Variants in CUL1 observed in about 807,000 individuals in gnomAD.
The protein encoded by CUL1 is cullin-1.
A neutral mutation model predicts 118.0 loss-of-function variants in CUL1; 24 were observed. That is an observed-to-expected ratio of 0.20 (90% CI 0.15 to 0.29). The LOEUF is 0.29. CUL1 is among the 10% of genes least tolerant of loss of function. CUL1 has a pLI of 1.00. For missense variants in CUL1, 361 were observed against 933.8 expected (o/e 0.39, Z 7.99); for synonymous variants, 332 against 340.4 (o/e 0.98, Z 0.27).
chr7:148,738,818 C>T (rs1799045671), intron 2 of CUL1, among the ~76,000 whole-genome samples: 1 of 151,890 alleles, frequency 6.6e-6, no homozygotes, highest in African/African-American at 2.4e-5. Context: ...TTTTTTTTCC[C>T]TTTAAGAATA....
intron 2 of CUL1, among the ~76,000 whole-genome samples, chr7:148,749,536 T>C (rs1400673881): frequency 1.3e-5 from 2 of 150,820 alleles, no homozygotes; most frequent in African/African-American, 2.4e-5. Context: ...AAATCAATGA[T>C]AAAAAGAATG....
intron 21 of CUL1, among the ~76,000 whole-genome samples, chr7:148,799,715 T>G (rs1380931082): frequency 6.7e-6 from 1 of 150,320 alleles, no homozygotes; most frequent in Non-Finnish European, 1.5e-5. Flanking sequence ...TCGTGTCTTC[T>G]GACACCATAA....
chr7:148,710,633 G>A (rs1170766208), intron 1 of CUL1, among the ~76,000 whole-genome samples: 1 of 152,104 alleles, frequency 6.6e-6, no homozygotes, highest in African/African-American at 2.4e-5. Flanking sequence ...CATAAGTGAA[G>A]CTGATGCTAC....
intron 9 of CUL1, among the ~76,000 whole-genome samples, chr7:148,781,890 G>A (rs59303457): frequency 0.084 from 12,727 of 152,188 alleles, 664 homozygotes; most frequent in African/African-American, 0.13. Context: ...TACATAACAT[G>A]CTATATATAA....
chr7:148,706,880 G>C (rs1338478218), intron 1 of CUL1, among the ~76,000 whole-genome samples: 1 of 152,140 alleles, frequency 6.6e-6, no homozygotes, highest in Non-Finnish European at 1.5e-5. Flanking sequence ...ATATTTGGCT[G>C]TCTGTGTTCT....
chr7:148,779,317 C>T (rs973379898), intron 9 of CUL1, among the ~76,000 whole-genome samples: 6 of 152,156 alleles, frequency 3.9e-5, no homozygotes, highest in African/African-American at 1.4e-4. Flanking sequence ...GACACGGTCC[C>T]AGTGGGCAAC....
intron 17 of CUL1, among the ~76,000 whole-genome samples, chr7:148,797,535 AC>A (rs1801245598): frequency 6.6e-6 from 1 of 152,138 alleles, no homozygotes; most frequent in African/African-American, 2.4e-5. Context: ...GGGTTACTCA[AC>A]CTGATTTAAG....
intron 9 of CUL1, among the ~76,000 whole-genome samples, chr7:148,775,043 C>A (rs956457415): frequency 2.0e-5 from 3 of 151,886 alleles, no homozygotes; most frequent in African/African-American, 7.3e-5. Context: ...AGAAAAAGTT[C>A]TGTGATTTAG....
At chr7:148,752,430 A>G (rs904437203) in intron 2 of CUL1, among the ~76,000 whole-genome samples, 14 of 152,156 alleles carry the variant, frequency 9.2e-5, no homozygotes, top group Non-Finnish European at 2.9e-5. Context: ...GAAATAGTTA[A>G]TAATTTTTCA....
At chr7:148,732,325 A>G (rs1439737146) in intron 2 of CUL1, among the ~76,000 whole-genome samples, 4 of 150,994 alleles carry the variant, frequency 2.6e-5, no homozygotes, top group East Asian at 1.9e-4. Flanking sequence ...GATGTAATTA[A>G]TATGCCTTGT....
intron 1 of CUL1, among the ~76,000 whole-genome samples, chr7:148,707,975 C>T (rs1169115612): frequency 2.0e-5 from 3 of 152,256 alleles, no homozygotes; most frequent in East Asian, 1.9e-4. Flanking sequence ...GGGGCCACAT[C>T]GCTCATTTCC....
chr7:148,699,805 C>G (rs931593849), intron 1 of CUL1, among the ~76,000 whole-genome samples: 5 of 152,082 alleles, frequency 3.3e-5, no homozygotes, highest in African/African-American at 7.2e-5. Flanking sequence ...GCGCTGCGGC[C>G]TCGGCGCGCC....
intron 1 of CUL1, among the ~76,000 whole-genome samples, chr7:148,708,706 A>T (rs942037369): frequency 1.6e-4 from 25 of 152,178 alleles, no homozygotes; most frequent in Admixed American, 7.2e-4. Context: ...CATGCTTTTT[A>T]AAAAAACTGG....
intron 2 of CUL1, among the ~76,000 whole-genome samples, chr7:148,741,488 G>T (rs1799136813): frequency 6.6e-6 from 1 of 152,210 alleles, no homozygotes; most frequent in Non-Finnish European, 1.5e-5. Flanking sequence ...AATTCAGGAT[G>T]GAGTGCGTGG....
At chr7:148,769,778 C>T (rs1225714406) in intron 9 of CUL1, among the ~76,000 whole-genome samples, 1 of 151,888 alleles carries the variant, frequency 6.6e-6, no homozygotes, top group Non-Finnish European at 1.5e-5. Flanking sequence ...ACCTATAGTC[C>T]CAGCTACTCA....
chr7:148,754,738 C>T (rs1435357868), intron 3 of CUL1, among the ~76,000 whole-genome samples: 1 of 151,270 alleles, frequency 6.6e-6, no homozygotes, highest in East Asian at 1.9e-4. Context: ...TTATGAAGTA[C>T]TTTTTTTCTT....
chr7:148,785,619 CT>C (rs1178707595), intron 11 of CUL1, among the ~76,000 whole-genome samples: 4 of 151,662 alleles, frequency 2.6e-5, no homozygotes, highest in African/African-American at 9.7e-5. Flanking sequence ...CCGCCTCAGC[CT>C]CCCAAAGTGC....
intron 9 of CUL1, among the ~76,000 whole-genome samples, chr7:148,772,834 T>A (rs1315077965): frequency 2.0e-5 from 3 of 152,032 alleles, no homozygotes; most frequent in Non-Finnish European, 4.4e-5. Context: ...TCCTGCAGGG[T>A]CTGGACGTAG....
intron 17 of CUL1, 52 bp from the exon 18 acceptor site, chr7:148,797,760 C>A: frequency 1.4e-6 from 2 of 1,440,260 alleles, no homozygotes; most frequent in Non-Finnish European, 1.9e-6. Context: ...GTGGTTATTG[C>A]AAAGAAAAAT....
Sources: allele counts gnomAD v4.1 joint callset (sites outside exome capture counted in the v4.1 genomes callset), GRCh38; gene constraint gnomAD v4.1.1; transcripts MANE v1.5; gene names NCBI Gene and HGNC (gene_info 2026-07-23, HGNC 2026-07-21).